Variants in KCNQ1 observed in about 807,000 individuals in gnomAD.
KCNQ1 encodes the protein potassium voltage-gated channel subfamily KQT member 1.
Under a neutral mutation model 72.4 loss-of-function variants are expected in KCNQ1, and 49 were observed. The observed-to-expected ratio is 0.68, with a 90% CI of 0.54 to 0.86. KCNQ1 has a LOEUF of 0.86. Among genes scored for constraint, KCNQ1 ranks in the 40% least tolerant of loss-of-function variants. The probability of loss-of-function intolerance (pLI) is 0.00; values close to 1 mark genes in which losing one functional copy is unlikely to be tolerated. For missense variants in KCNQ1, 790 were observed against 945.1 expected (o/e 0.84, Z 2.15); for synonymous variants, 450 against 412.6 (o/e 1.09, Z -1.10).
chr11:2,838,349 C>T (rs1468132486), intron 15 of KCNQ1, among the ~76,000 whole-genome samples: 2 of 152,020 alleles, frequency 1.3e-5, no homozygotes, highest in Non-Finnish European at 2.9e-5. Context: ...GGGACCGGCG[C>T]GCCGGGAAGC....
rs1186422964 is a variant in KCNQ1, at chr11:2,750,840, A to G, written c.1515-18004A>G. ...GGAAGCCGGCCAACTCGCCAGTTCC[A>G]TTAACTTAATGAGGGCTGACAGCCT... On this transcript the variant is annotated intron_variant, in intron 11 of 15. Transcript: ENST00000155840. This position sits in a 1 kb window ranked among gnomAD's most constrained non-coding sequence, Gnocchi z 6.3. 6.6e-6 allele frequency among the ~76,000 whole-genome samples: 1 copy of G among 152,140 alleles called. No individual in the cohort carries two copies. Among genetic ancestry groups the G allele is most frequent in the East Asian group, 1.9e-4 (1 of 5,196 alleles).
rs555769716 is a variant in KCNQ1 at position 2,567,647 on chromosome 11, C to T, written c.478-2981C>T. Among the ~76,000 whole-genome samples the T allele has an allele frequency of 7.7e-4, 118 of 152,326 alleles. No individual in the cohort carries two copies. Among genetic ancestry groups the T allele is most frequent in the African/African-American group, 2.6e-3 (108 of 41,554 alleles). On this transcript the variant is annotated intron_variant, in intron 2 of 15. Coordinates refer to ENST00000155840, the MANE Select transcript of KCNQ1 (RefSeq NM_000218.3). The surrounding 1 kb of genome is among the most constrained non-coding windows in gnomAD (Gnocchi z 6.6). The stretch of plus-strand genomic sequence containing the variant: ...TGGCTCTTTCCTGGCCTGCTAGCAG[C>T]ACCAGCCTAATTAACCTGACAAGCG...
chr11:2,771,349 A>G (rs1207318456), intron 12 of KCNQ1: 2 of 152,228 alleles, frequency 1.3e-5, no homozygotes, highest in African/African-American at 4.8e-5. Flanking sequence ...TCGTGATAAT[A>G]ACTACCATGG....
rs1018582022 is a variant in KCNQ1, at chr11:2,462,529, A to G, written c.386+17045A>G. Among the ~76,000 whole-genome samples the G allele has an allele frequency of 1.3e-5, 2 of 152,072 alleles. No individual in the cohort carries two copies. Among genetic ancestry groups the G allele is most frequent in the African/African-American group, 2.4e-5 (1 of 41,418 alleles). ...GGGCAGCAGCTGTCATGATCCCACC[A>G]TGTGCCCCCCGTGAGGCCCCCACCT... On this transcript the variant is annotated intron_variant, in intron 1 of 15. Coordinates refer to ENST00000155840, the MANE Select transcript of KCNQ1 (RefSeq NM_000218.3). The surrounding 1 kb of genome is among the most constrained non-coding windows in gnomAD (Gnocchi z 8.2).
chr11:2,706,714 G>A (rs1401806572), intron 11 of KCNQ1, among the ~76,000 whole-genome samples: 1 of 152,200 alleles, frequency 6.6e-6, no homozygotes, highest in African/African-American at 2.4e-5. Flanking sequence ...AGAGTACTGT[G>A]CCCAGGTAGC....
Position 2,509,262 on chromosome 11 carries a change from C to T in KCNQ1, c.387-18666C>T, listed in dbSNP as rs1160366968. On this transcript the variant is annotated intron_variant, in intron 1 of 15. Coordinates refer to ENST00000155840, the MANE Select transcript of KCNQ1 (RefSeq NM_000218.3). The surrounding 1 kb of genome is among the most constrained non-coding windows in gnomAD (Gnocchi z 6.3). ...CATATTATTTCATGAAGAGTGGCTT[C>T]GGACTTTGGGGTAGGGTCTGGTAGG... is the stretch of plus-strand genomic sequence containing the variant. Among the ~76,000 whole-genome samples the T allele has an allele frequency of 2.0e-5, 3 of 152,152 alleles. No individual in the cohort carries two copies. Among genetic ancestry groups the T allele is most frequent in the South Asian group, 4.1e-4 (2 of 4,826 alleles).
chr11:2,640,629 A>T (rs1849559052), intron 10 of KCNQ1: 1 of 397,312 alleles, frequency 2.5e-6, no homozygotes, highest in Non-Finnish European at 4.4e-6. Flanking sequence ...ACATGCATCG[A>T]ATGTGTAATG....
At chr11:2,650,460 G>C (rs1436678405) in intron 10 of KCNQ1, 1 of 398,578 alleles carries the variant, frequency 2.5e-6, no homozygotes, top group Non-Finnish European at 4.4e-6. Context: ...AGGGTGCTTT[G>C]GCTTTGGTTC....
rs1346675539 is a variant in KCNQ1, at chr11:2,547,744, A to T, written c.477+19726A>T. ...CACAACCTTGGGTGGACTACTGACTACTTCGCGGGTAAGAAATGGTGAGTG... is the reference window on the plus strand; with the variant it reads ...CACAACCTTGGGTGGACTACTGACTTCTTCGCGGGTAAGAAATGGTGAGTG... On this transcript the variant is annotated intron_variant, in intron 2 of 15. Transcript: ENST00000155840. This position sits in a 1 kb window ranked among gnomAD's most constrained non-coding sequence, Gnocchi z 4.2. Among the ~76,000 whole-genome samples, 1 of 152,162 alleles carries T rather than the reference A, an allele frequency of 6.6e-6. No individual in the cohort carries two copies. The highest frequency in any genetic ancestry group is 1.5e-5 in the Non-Finnish European group (1 of 68,038).
intron 1 of KCNQ1, among the ~76,000 whole-genome samples, chr11:2,523,695 G>A (rs957040109): frequency 2.6e-5 from 4 of 152,006 alleles, no homozygotes; most frequent in South Asian, 2.1e-4. Context: ...CCTGTGAAGG[G>A]CAGAGGAGCT....
At chr11:2,622,781 C>T in intron 10 of KCNQ1, 1 of 398,552 alleles carries the variant, frequency 2.5e-6, no homozygotes, top group Non-Finnish European at 4.4e-6. Flanking sequence ...ACAGAGATTT[C>T]CCGTATACCC....
rs956905494 is a variant in KCNQ1, at chr11:2,488,155, G to A, written c.387-39773G>A. On this transcript the variant is annotated intron_variant, in intron 1 of 15. Transcript: ENST00000155840. The surrounding 1 kb of genome is among the most constrained non-coding windows in gnomAD (Gnocchi z 5.1). ...TGTTATTTCTTCATTCTGTTAATAT[G>A]CTCTTTTACATGGATTTATTTTTGT... Among the ~76,000 whole-genome samples the A allele has an allele frequency of 8.5e-5, 13 of 152,128 alleles. No homozygotes were observed. The highest frequency in any genetic ancestry group is 3.1e-4 in the African/African-American group (13 of 41,444).
rs896642447 is a variant in KCNQ1, at chr11:2,643,204, A to G, written c.1394-18757A>G. ...TGGTATAAAGTGCAGTTTAAATCCA[A>G]TGTTTCTTTGTTAATTTTTTGTCTA... On this transcript the variant is annotated intron_variant, in intron 10 of 15. Transcript: ENST00000155840. 16 of 398,150 alleles carry G rather than the reference A, an allele frequency of 4.0e-5. No individual in the cohort carries two copies. The South Asian group carries it at 5.1e-4, about 13-fold the overall frequency. 24.7% of individuals were successfully genotyped at this position (398,150 alleles called of 1,614,324 possible). A position where few individuals can be genotyped will look rare whatever the true frequency, so the allele number is the denominator to read the frequency against.
In KCNQ1 at chr11:2,766,783, G is replaced by A. The variant is rs1305307834; in HGVS notation, c.1515-2061G>A. On this transcript the variant is annotated intron_variant, in intron 11 of 15. Transcript: ENST00000155840. This position sits in a 1 kb window ranked among gnomAD's most constrained non-coding sequence, Gnocchi z 4.4. ...CCTTGTCCCAAAATTAATGCTGTAA[G>A]TTTTAGGATATTGATATGACATTAC... Among the ~76,000 whole-genome samples the A allele has an allele frequency of 6.6e-6, 1 of 152,182 alleles. No homozygotes were observed. Among genetic ancestry groups the A allele is most frequent in the Non-Finnish European group, 1.5e-5 (1 of 68,046 alleles).
At chr11:2,806,737 C>G (rs987090664) in intron 15 of KCNQ1, among the ~76,000 whole-genome samples, 91 of 152,348 alleles carry the variant, frequency 6.0e-4, no homozygotes, top group Non-Finnish European at 5.0e-4. Flanking sequence ...CCCGGGAGTA[C>G]GTTCGGGCTC....
Position 2,595,742 on chromosome 11 carries a change from G to T in KCNQ1, c.1393+6888G>T, listed in dbSNP as rs1848724857. ...TGGCTGCTAACACAACATCCATTCT[G>T]CAGCCCATAATCAAGGAGTAATGCC... On this transcript the variant is annotated intron_variant, in intron 10 of 15. Coordinates refer to ENST00000155840, the MANE Select transcript of KCNQ1 (RefSeq NM_000218.3). The surrounding 1 kb of genome is among the most constrained non-coding windows in gnomAD (Gnocchi z 5.0). 6.6e-6 allele frequency among the ~76,000 whole-genome samples: 1 copy of T among 152,282 alleles called. No individual in the cohort carries two copies. Among genetic ancestry groups the T allele is most frequent in the African/African-American group, 2.4e-5 (1 of 41,546 alleles).
rs1174355093 is a variant in KCNQ1, at chr11:2,471,150, C to T, written c.386+25666C>T. Reference sequence around the variant, plus strand: ...TCATCTCATCGATATCTCCCAACGGCTGGGGAACAAGGGCTGACTCGGCTG... The same window carrying T: ...TCATCTCATCGATATCTCCCAACGGTTGGGGAACAAGGGCTGACTCGGCTG... On this transcript the variant is annotated intron_variant, in intron 1 of 15. Coordinates refer to ENST00000155840, the MANE Select transcript of KCNQ1 (RefSeq NM_000218.3). The surrounding 1 kb of genome is among the most constrained non-coding windows in gnomAD (Gnocchi z 4.8). 6.6e-6 allele frequency among the ~76,000 whole-genome samples: 1 copy of T among 152,078 alleles called. No individual in the cohort carries two copies. The highest frequency in any genetic ancestry group is 2.4e-5 in the African/African-American group (1 of 41,398).
rs572370261 is a variant in KCNQ1, at chr11:2,844,518, C to T, written c.1795-3249C>T. ...CAGCTTCAGGGAGCCCTTCAGTGTC[C>T]GTCGGAGGCAAGCTCGGCCCTGTGG... On this transcript the variant is annotated intron_variant, in intron 15 of 15. Transcript: ENST00000155840. 7.2e-5 allele frequency among the ~76,000 whole-genome samples: 11 copies of T among 152,322 alleles called. No individual in the cohort carries two copies. The East Asian group carries it at 1.7e-3, about 24-fold the overall frequency.
intron 1 of KCNQ1, among the ~76,000 whole-genome samples, chr11:2,500,838 C>T (rs1209491582): frequency 8.3e-6 from 1 of 120,612 alleles, no homozygotes; most frequent in African/African-American, 3.4e-5. Context: ...AACACATGGA[C>T]ACAGGGAGGG....
Sources: gnomAD v4.1 joint callset for allele counts (sites outside exome capture counted in the v4.1 genomes callset) on GRCh38, gnomAD v4.1.1 for gene constraint, Gnocchi (gnomAD v3.1) non-coding constraint, MANE v1.5 for transcripts, NCBI Gene and HGNC (gene_info 2026-07-23, HGNC 2026-07-21) for gene names.